The following ARHGEF38 variants were observed in gnomAD, a reference collection of about 807,000 sequenced individuals.
The protein encoded by ARHGEF38 is Rho guanine nucleotide exchange factor (GEF) 38.
ARHGEF38 carries 79 observed loss-of-function variants against 79.9 expected under a neutral mutation model. The observed-to-expected ratio is 0.99, with a 90% confidence interval of 0.82 to 1.19. The LOEUF is 1.19. ARHGEF38 is among the 50% of genes most tolerant of loss of function. The pLI, the probability that ARHGEF38 is intolerant of heterozygous loss-of-function variation, is 0.00. For missense variants in ARHGEF38, 962 were observed against 907.2 expected (o/e 1.06, Z -0.78); for synonymous variants, 366 against 328.3 (o/e 1.11, Z -1.24).
intron 10 of ARHGEF38, 86 bp downstream of exon 10, chr4:105,659,451 T>A (rs1296472614): frequency 7.7e-7 from 1 of 1,295,632 alleles, no homozygotes; most frequent in East Asian, 2.5e-5. Flanking sequence ...CTGTTCAGAG[T>A]GTGCACATGT....
At chr4:105,682,092 A>G (rs1414545074), downstream of ARHGEF38, among the ~76,000 whole-genome samples, 1 of 152,224 alleles carries the variant, frequency 6.6e-6, no homozygotes, top group Non-Finnish European at 1.5e-5. Flanking sequence ...CAATGTGAGA[A>G]AAAATATTGT....
intron 1 of ARHGEF38, among the ~76,000 whole-genome samples, chr4:105,580,413 C>T (rs906924080): frequency 1.3e-5 from 2 of 152,094 alleles, no homozygotes. Context: ...TGGTATGTTG[C>T]GTCTTTGTTT....
Position 105,666,191 on chromosome 4 carries a change from T to G in ARHGEF38, c.1560T>G (p.Val520=). 6.6e-7 allele frequency: 1 copy of G among 1,524,882 alleles called. No homozygotes were observed. The highest frequency in any genetic ancestry group is 1.2e-5 in the South Asian group (1 of 80,778). The allele number at this position is 1,524,882 out of a possible 1,614,324, so 94.5% of individuals were successfully genotyped here. Residue 520 remains valine, a synonymous_variant, in exon 11 of 14, where the codon GTT becomes GTG. Coordinates refer to ENST00000420470, the MANE Select transcript of ARHGEF38 (RefSeq NM_001242729.2). ...TCTACCTATAGATGCCACTGTTGGTTTCAAGCATTTCTGAGATTCAGAATC... is the reference window on the plus strand; with the variant it reads ...TCTACCTATAGATGCCACTGTTGGTGTCAAGCATTTCTGAGATTCAGAATC... ...YSTLVPMPLL[V]SSISEIQNQV...
intron 2 of ARHGEF38, among the ~76,000 whole-genome samples, chr4:105,594,998 A>C (rs1357585403): frequency 6.6e-6 from 1 of 152,246 alleles, no homozygotes; most frequent in Non-Finnish European, 1.5e-5. Context: ...AGAGTAGACT[A>C]ATCTAACAAT....
At chr4:105,611,446 C>A (rs1286525772) in intron 2 of ARHGEF38, among the ~76,000 whole-genome samples, 4 of 151,878 alleles carry the variant, frequency 2.6e-5, no homozygotes, top group Admixed American at 2.0e-4. Flanking sequence ...TAAGGCAATT[C>A]TTTAGGATAA....
intron 3 of ARHGEF38, among the ~76,000 whole-genome samples, chr4:105,630,690 A>G (rs1002954439): frequency 6.6e-6 from 1 of 152,222 alleles, no homozygotes; most frequent in Non-Finnish European, 1.5e-5. Context: ...GAAAAAGAGA[A>G]GGAGCAAAGA....
At chr4:105,559,210 A>G (rs1725397992) in intron 1 of ARHGEF38, among the ~76,000 whole-genome samples, 1 of 152,174 alleles carries the variant, frequency 6.6e-6, no homozygotes, top group Non-Finnish European at 1.5e-5. Flanking sequence ...TCAAGACTCA[A>G]AGTTATGGCT....
At chr4:105,580,497 T>G (rs1726734215) in intron 1 of ARHGEF38, among the ~76,000 whole-genome samples, 1 of 152,214 alleles carries the variant, frequency 6.6e-6, no homozygotes, top group African/African-American at 2.4e-5. Flanking sequence ...ATGAACAAGT[T>G]GTTTCATTTC....
At chr4:105,666,428 A>G in intron 11 of ARHGEF38, 108 bp downstream of exon 11, 2 of 1,181,980 alleles carry the variant, frequency 1.7e-6, no homozygotes. Flanking sequence ...AATATCCTAT[A>G]ATTTACATAT....
At chr4:105,569,824 A>G (rs567774480) in intron 1 of ARHGEF38, 1 of 152,342 alleles carries the variant, frequency 6.6e-6, no homozygotes, top group South Asian at 2.1e-4. Context: ...AAAATGCAAA[A>G]CAAACTCAGT....
chr4:105,636,157 A>C (rs1217283073), intron 4 of ARHGEF38, among the ~76,000 whole-genome samples: 1 of 152,042 alleles, frequency 6.6e-6, no homozygotes, highest in East Asian at 1.9e-4. Context: ...GCCCACAGTG[A>C]TCAGATAATA....
intron 6 of ARHGEF38, among the ~76,000 whole-genome samples, chr4:105,647,066 A>G (rs1232916731): frequency 1.3e-5 from 2 of 152,158 alleles, no homozygotes; most frequent in East Asian, 3.9e-4. Context: ...TAAAAATAAG[A>G]AGACTGGAAA....
At chr4:105,670,810 A>T (rs1289127209) in intron 13 of ARHGEF38, among the ~76,000 whole-genome samples, 1 of 152,204 alleles carries the variant, frequency 6.6e-6, no homozygotes, top group Non-Finnish European at 1.5e-5. Flanking sequence ...ATGGACAGAA[A>T]TCTGAGGGCC....
chr4:105,593,269 G>T (rs1172861402), intron 2 of ARHGEF38, among the ~76,000 whole-genome samples: 2 of 152,098 alleles, frequency 1.3e-5, no homozygotes, highest in Admixed American at 6.6e-5. Context: ...AGTTGCAGTG[G>T]CTCACACCTG....
At chr4:105,596,229 G>T (rs2110468623) in intron 2 of ARHGEF38, among the ~76,000 whole-genome samples, 1 of 152,270 alleles carries the variant, frequency 6.6e-6, no homozygotes, top group African/African-American at 2.4e-5. Flanking sequence ...GTCCAAAGTG[G>T]GTGAGGAAAG....
At chr4:105,573,455 A>G (rs1042493942) in intron 1 of ARHGEF38, among the ~76,000 whole-genome samples, 1 of 152,016 alleles carries the variant, frequency 6.6e-6, no homozygotes, top group African/African-American at 2.4e-5. Flanking sequence ...CAAATATCCA[A>G]TTTTCCCGGC....
At chr4:105,588,006 T>G (rs192253897) in intron 1 of ARHGEF38, among the ~76,000 whole-genome samples, 160 of 152,290 alleles carry the variant, frequency 1.1e-3, no homozygotes, top group Non-Finnish European at 1.8e-3. Context: ...AATGCTGAAG[T>G]TAGTGGACCA....
At chr4:105,648,232 G>C (rs568775616) in intron 6 of ARHGEF38, among the ~76,000 whole-genome samples, 13 of 151,980 alleles carry the variant, frequency 8.6e-5, no homozygotes, top group Non-Finnish European at 1.9e-4. Flanking sequence ...CATTCCAGAG[G>C]CCTCAGATAA....
At chr4:105,578,877 A>C (rs1399372862) in intron 1 of ARHGEF38, among the ~76,000 whole-genome samples, 1 of 152,134 alleles carries the variant, frequency 6.6e-6, no homozygotes, top group African/African-American at 2.4e-5. Context: ...TGTATATTTT[A>C]AGTGGAGCAT....
Sources: allele counts gnomAD v4.1 joint callset (sites outside exome capture counted in the v4.1 genomes callset), GRCh38; gene constraint gnomAD v4.1.1; transcripts MANE v1.5; gene names NCBI Gene and HGNC (gene_info 2026-07-23, HGNC 2026-07-21).